THSD7B: variants seen among roughly 807,000 people sequenced by gnomAD.
THSD7B encodes thrombospondin type 1 domain containing 7B.
THSD7B carries 138 observed loss-of-function variants against 213.6 expected under a neutral mutation model. The ratio of observed to expected loss-of-function variants is 0.65; its 90% confidence interval spans 0.56 to 0.74. The LOEUF (loss-of-function observed/expected upper bound fraction) is 0.74, where lower values mean the gene tolerates loss of function less well. Ranked by LOEUF, THSD7B falls within the 30% of genes least tolerant of loss-of-function variation. The pLI, the probability that THSD7B is intolerant of heterozygous loss-of-function variation, is 0.00. For missense variants in THSD7B, 1,931 were observed against 1,991.5 expected (o/e 0.97, Z 0.58); for synonymous variants, 742 against 687.0 (o/e 1.08, Z -1.25).
intron 12 of THSD7B, among the ~76,000 whole-genome samples, chr2:137,298,416 G>A (rs1683518247): frequency 6.6e-6 from 1 of 152,136 alleles, no homozygotes. Flanking sequence ...TGACGATGCA[G>A]TAGAGAAGCA....
At chr2:137,557,431 C>G (rs963478289) in intron 15 of THSD7B, among the ~76,000 whole-genome samples, 1 of 152,118 alleles carries the variant, frequency 6.6e-6, no homozygotes, top group Admixed American at 6.6e-5. Context: ...ACAACCTGTT[C>G]CTGGAAACTG....
chr2:136,937,725 T>A (rs943113074), intron 2 of THSD7B, among the ~76,000 whole-genome samples: 3 of 152,184 alleles, frequency 2.0e-5, no homozygotes, highest in African/African-American at 7.2e-5. Context: ...TGGCTGGAAG[T>A]CATCTTCACT....
At chr2:136,825,735 A>G (rs1211017178) in intron 1 of THSD7B, among the ~76,000 whole-genome samples, 1 of 38,422 alleles carries the variant, frequency 2.6e-5, no homozygotes, top group Non-Finnish European at 5.2e-5. Flanking sequence ...TTTTTTTTTT[A>G]GATCTGGGGT....
At chr2:137,349,949 A>G (rs1029661725) in intron 12 of THSD7B, among the ~76,000 whole-genome samples, 3 of 151,768 alleles carry the variant, frequency 2.0e-5, no homozygotes, top group Non-Finnish European at 4.4e-5. Flanking sequence ...AGTTTCTCAT[A>G]TTTCTATTAT....
chr2:136,799,113 T>G (rs986042650), intron 1 of THSD7B, among the ~76,000 whole-genome samples: 1 of 152,014 alleles, frequency 6.6e-6, no homozygotes, highest in African/African-American at 2.4e-5. Flanking sequence ...AGCAACAATA[T>G]CTTTCATCTA....
intron 12 of THSD7B, among the ~76,000 whole-genome samples, chr2:137,373,468 A>C (rs1441337455): frequency 6.6e-6 from 1 of 151,974 alleles, no homozygotes; most frequent in Non-Finnish European, 1.5e-5. Flanking sequence ...GCATTTTTTC[A>C]TGTGTTTTTT....
intron 2 of THSD7B, among the ~76,000 whole-genome samples, chr2:136,933,182 CT>C (rs1558857794): frequency 8.2e-6 from 1 of 121,908 alleles, no homozygotes; most frequent in East Asian, 2.3e-4. Flanking sequence ...TCAACATTGA[CT>C]GTTTCGTTTT....
intron 2 of THSD7B, among the ~76,000 whole-genome samples, chr2:136,926,662 C>G (rs777541040): frequency 6.6e-6 from 1 of 151,392 alleles, no homozygotes; most frequent in Non-Finnish European, 1.5e-5. Flanking sequence ...CCACTGTACT[C>G]CAGCCTGGAT....
chr2:137,286,333 C>T (rs947745794), intron 12 of THSD7B, among the ~76,000 whole-genome samples: 4 of 152,008 alleles, frequency 2.6e-5, no homozygotes, highest in Non-Finnish European at 4.4e-5. Context: ...ATCCAACTTT[C>T]GTCTGGAAAA....
At position 137,394,803 on chromosome 2, in the gene THSD7B, G is replaced by A. The variant is rs796976631; in HGVS notation, c.2501-10810G>A. On this transcript the variant is annotated intron_variant, in intron 12 of 27. Transcript: ENST00000409968. Reference sequence around the variant, plus strand: ...TTCTTCCTACCCATGAGCATGGAATGTTCTTCCATTTGTTTGTATCCTCTT... The same window carrying A: ...TTCTTCCTACCCATGAGCATGGAATATTCTTCCATTTGTTTGTATCCTCTT... Among the ~76,000 whole-genome samples the A allele has an allele frequency of 2.2e-4, 30 of 137,878 alleles. 1 individual carries two copies. In the South Asian group the frequency reaches 7.2e-3, roughly 33 times the overall value. The allele number at this position is 137,878 out of a possible 152,430, so 90.5% of individuals were successfully genotyped here.
intron 2 of THSD7B, among the ~76,000 whole-genome samples, chr2:136,894,009 A>G (rs574652715): frequency 1.3e-5 from 2 of 152,314 alleles, no homozygotes; most frequent in South Asian, 2.1e-4. Context: ...TAGAGAATCC[A>G]TGATATTATT....
intron 2 of THSD7B, among the ~76,000 whole-genome samples, chr2:136,909,548 A>G (rs34877098): frequency 0.1 from 15,443 of 152,204 alleles, 1,024 homozygotes; most frequent in East Asian, 0.16. Flanking sequence ...ATGCGTAGTG[A>G]GCAGAGAGGA....
At chr2:137,418,517 A>G (rs781660030) in intron 14 of THSD7B, among the ~76,000 whole-genome samples, 1 of 152,228 alleles carries the variant, frequency 6.6e-6, no homozygotes, top group Non-Finnish European at 1.5e-5. Context: ...TAGAACATTC[A>G]TCACCTTAAA....
chr2:136,810,541 C>T (rs1003111356), intron 1 of THSD7B, among the ~76,000 whole-genome samples: 2 of 152,180 alleles, frequency 1.3e-5, no homozygotes, highest in African/African-American at 4.8e-5. Context: ...TTCTGCAGTG[C>T]TGAAATGGTG....
chr2:137,324,001 C>T (rs1045497953), intron 12 of THSD7B, among the ~76,000 whole-genome samples: 5 of 152,166 alleles, frequency 3.3e-5, no homozygotes, highest in Admixed American at 2.0e-4. Context: ...CTCCGAGGCT[C>T]ATAGTAATGA....
At chr2:136,961,467 G>C (rs1234749468) in intron 2 of THSD7B, among the ~76,000 whole-genome samples, 1 of 152,002 alleles carries the variant, frequency 6.6e-6, no homozygotes, top group African/African-American at 2.4e-5. Context: ...TGATCTGCCT[G>C]CCTCAGCCTT....
At chr2:136,908,968 G>A (rs1204889696) in intron 2 of THSD7B, among the ~76,000 whole-genome samples, 1 of 152,104 alleles carries the variant, frequency 6.6e-6, no homozygotes, top group Non-Finnish European at 1.5e-5. Context: ...ATCACTTGAG[G>A]TCAGGAGTTC....
At chr2:137,214,066 T>A (rs1681179611) in intron 7 of THSD7B, among the ~76,000 whole-genome samples, 1 of 152,132 alleles carries the variant, frequency 6.6e-6, no homozygotes, top group African/African-American at 2.4e-5. Context: ...CATGCCAGTG[T>A]GTTTCAGGTG....
At chr2:137,213,356 AT>A (rs748160697) in intron 7 of THSD7B, among the ~76,000 whole-genome samples, 24 of 116,972 alleles carry the variant, frequency 2.1e-4, no homozygotes, top group Non-Finnish European at 3.7e-4. Flanking sequence ...TGTTATATAT[AT>A]TTATAATATA....
Sources: allele counts gnomAD v4.1 joint callset (sites outside exome capture counted in the v4.1 genomes callset), GRCh38; gene constraint gnomAD v4.1.1; transcripts MANE v1.5; gene names NCBI Gene and HGNC (gene_info 2026-07-23, HGNC 2026-07-21).